CLCF1: variants seen among roughly 807,000 people sequenced by gnomAD.
CLCF1 encodes cardiotrophin like cytokine factor 1, also known as cardiotrophin-like cytokine factor 1.
Under a neutral mutation model 21.2 loss-of-function variants are expected in CLCF1, and 10 were observed. The ratio of observed to expected loss-of-function variants is 0.47; its 90% confidence interval spans 0.29 to 0.80. CLCF1 has a LOEUF of 0.80. Ranked by LOEUF, CLCF1 falls within the 30% of genes least tolerant of loss-of-function variation. The pLI, the probability that CLCF1 is intolerant of heterozygous loss-of-function variation, is 0.09. For synonymous variants in CLCF1, 115 were observed against 120.5 expected (o/e 0.95, Z 0.30); for missense variants, 240 against 293.4 (o/e 0.82, Z 1.33).
chr11:67,364,359 C>T lies in CLCF1; in HGVS notation c.*777G>A, dbSNP rs920444277. On this transcript the variant is annotated 3_prime_UTR_variant, in exon 3 of 3. Transcript: ENST00000312438. The stretch of plus-strand genomic sequence containing the variant: ...AAAATGCTACTGCATTGTAAACTTT[C>T]AGGAAATCCTGTGGTGTGGCTATGG... The T allele has an allele frequency of 6.5e-6, 1 of 152,674 alleles. No homozygotes were observed. The highest frequency in any genetic ancestry group is 6.5e-5 in the Admixed American group (1 of 15,296). 9.5% of individuals were successfully genotyped at this position (152,674 alleles called of 1,614,324 possible).
chr11:67,373,424 GC>G, intron 1 of CLCF1, 99 bp downstream of exon 1: 5 of 621,554 alleles, frequency 8.0e-6, no homozygotes, highest in South Asian at 5.0e-5. Context: ...CCCTGGCCCG[GC>G]CCCGGCGCGG....
chr11:67,371,013 G>A (rs1862220998), intron 1 of CLCF1: 2 of 985,384 alleles, frequency 2.0e-6, no homozygotes, highest in Non-Finnish European at 2.4e-6. Context: ...GGTTGGAGGG[G>A]TCTGTTGAGG....
chr11:67,372,565 G>C lies in CLCF1; in HGVS notation c.16+959C>G, dbSNP rs182548413. ...CTGCGCCTTCCCCCTGTGTGGCCTCGGCGCCCCCGGCCCCGCCCCCTCCCG... is the reference window on the plus strand; with the variant it reads ...CTGCGCCTTCCCCCTGTGTGGCCTCCGCGCCCCCGGCCCCGCCCCCTCCCG... On this transcript the variant is annotated intron_variant, in intron 1 of 2. Coordinates refer to ENST00000312438, the MANE Select transcript of CLCF1 (RefSeq NM_013246.3). The surrounding 1 kb of genome is among the most constrained non-coding windows in gnomAD (Gnocchi z 5.9). Among the ~76,000 whole-genome samples, 11,988 of 150,236 alleles carry C rather than the reference G, an allele frequency of 0.08. 1,627 individuals carry two copies. Among genetic ancestry groups the C allele is most frequent in the African/African-American group, 0.28 (11,328 of 40,966 alleles).
At chr11:67,373,500 G>A in intron 1 of CLCF1, 24 bp downstream of exon 1, 2 of 1,277,538 alleles carry the variant, frequency 1.6e-6, no homozygotes, top group South Asian at 1.4e-5. Flanking sequence ...GCGGGGGTCG[G>A]GGCCTCGGCC....
intron 1 of CLCF1, among the ~76,000 whole-genome samples, chr11:67,371,421 CCT>C (rs756491694): frequency 8.7e-4 from 132 of 152,328 alleles, no homozygotes; most frequent in Non-Finnish European, 1.2e-3. Context: ...TCTCTCCTCT[CCT>C]CTCCAGCATC....
intron 1 of CLCF1, among the ~76,000 whole-genome samples, chr11:67,373,256 G>T (rs1862277541): frequency 6.6e-6 from 1 of 151,898 alleles, no homozygotes; most frequent in Admixed American, 6.5e-5. Context: ...GCCTCGCTGG[G>T]GCTCCAGGTT....
At chr11:67,369,342 G>T in intron 1 of CLCF1, 1 of 980,476 alleles carries the variant, frequency 1.0e-6, no homozygotes, top group Non-Finnish European at 1.2e-6. Flanking sequence ...GTGTACACGC[G>T]TGTGTTTTAG....
rs1473280329 is a variant in CLCF1, at chr11:67,365,014, C to T, written c.*122G>A. On this transcript the variant is annotated 3_prime_UTR_variant, in exon 3 of 3. Transcript: ENST00000312438. The surrounding 1 kb of genome is among the most constrained non-coding windows in gnomAD (Gnocchi z 5.0). ...GATCGCATCACACGCCCAGCCGGTCCAGGAAAGGGCCAGAGGCTCACAGCT... is the reference window on the plus strand; with the variant it reads ...GATCGCATCACACGCCCAGCCGGTCTAGGAAAGGGCCAGAGGCTCACAGCT... The T allele has an allele frequency of 3.9e-6, 6 of 1,539,944 alleles. No individual in the cohort carries two copies. In the African/African-American group the frequency reaches 8.2e-5, roughly 21 times the overall value.
chr11:67,371,666 C>T (rs545132913), intron 1 of CLCF1, among the ~76,000 whole-genome samples: 2 of 151,936 alleles, frequency 1.3e-5, no homozygotes, highest in Non-Finnish European at 2.9e-5. Flanking sequence ...CCACTGAGAG[C>T]CAGAGGCAGG....
Position 67,367,409 on chromosome 11 carries a change from C to T in CLCF1, c.183+51G>A, listed in dbSNP as rs576667161. On this transcript the variant is annotated intron_variant, in intron 2 of 2. Transcript: ENST00000312438. ...CCCTCCACGGTTAGGACTGTCTTTCCCCAACTCCTCACTCCTCCCCAACTC... is the reference window on the plus strand; with the variant it reads ...CCCTCCACGGTTAGGACTGTCTTTCTCCAACTCCTCACTCCTCCCCAACTC... 3.7e-6 allele frequency: 6 copies of T among 1,613,486 alleles called. No individual in the cohort carries two copies. In the Admixed American group the frequency reaches 1.0e-4, roughly 27 times the overall value.
chr11:67,369,378 A>G (rs916750311), intron 1 of CLCF1: 2 of 985,222 alleles, frequency 2.0e-6, no homozygotes, highest in Non-Finnish European at 1.2e-6. Flanking sequence ...CAGGCACTCA[A>G]CTGCTCCCTG....
At chr11:67,367,878 C>G (rs1862148689) in intron 1 of CLCF1, 2 of 985,230 alleles carry the variant, frequency 2.0e-6, no homozygotes, top group Non-Finnish European at 1.2e-6. Context: ...GAGAATGGAT[C>G]TGTGTGTCAG....
upstream of CLCF1, chr11:67,373,634 C>T: frequency 7.8e-7 from 1 of 1,276,014 alleles, no homozygotes. Flanking sequence ...TTAATAATCC[C>T]ATCCGCCAGG....
In CLCF1 at chr11:67,370,541, C is replaced by A. The variant is rs544256000; in HGVS notation, c.17-2915G>T. 5.2e-6 allele frequency: 5 copies of A among 961,362 alleles called. No homozygotes were observed. In the South Asian group the frequency reaches 1.4e-4, roughly 27 times the overall value. 59.6% of individuals were successfully genotyped at this position (961,362 alleles called of 1,614,324 possible). ...GTACAGCTCACGTTTCCTGCAACAG[C>A]CCCCCACCCCCGGCCAGCCCCTAAT... On this transcript the variant is annotated intron_variant, in intron 1 of 2. Transcript: ENST00000312438.
At chr11:67,369,934 C>T (rs1862193236) in intron 1 of CLCF1, 9 of 984,286 alleles carry the variant, frequency 9.1e-6, no homozygotes, top group Admixed American at 6.2e-5. Context: ...CAGAAAAAAA[C>T]GGCTCATGAA....
rs140020543 is a variant in CLCF1, at chr11:67,365,423, G to T, written c.391C>A (p.Arg131Ser). Residue 131 changes from arginine to serine, a missense_variant, in exon 3 of 3, where the codon CGC (arginine) becomes AGC (serine). Transcript: ENST00000312438. The surrounding 1 kb of genome is among the most constrained non-coding windows in gnomAD (Gnocchi z 5.0). ...NRQAATAELR[R>S]SLAHFCTSLQ... ...CTGGTGCAGAAGTGGGCCAGGCTGCGGCGCAGCTCAGCAGTGGCAGCCTGA... is the reference window on the plus strand; with the variant it reads ...CTGGTGCAGAAGTGGGCCAGGCTGCTGCGCAGCTCAGCAGTGGCAGCCTGA... 1.1e-5 allele frequency: 18 copies of T among 1,613,564 alleles called. No individual in the cohort carries two copies. The highest frequency in any genetic ancestry group is 1.3e-5 in the Non-Finnish European group (15 of 1,179,854).
At chr11:67,367,724 T>TG (rs1590914635) in intron 1 of CLCF1, 98 bp from the exon 2 acceptor site, 2 of 1,526,716 alleles carry the variant, frequency 1.3e-6, no homozygotes, top group African/African-American at 1.4e-5. Context: ...TTGGGCTGGG[T>TG]GGGGGGTGAG....
Position 67,372,425 on chromosome 11 carries a change from G to T in CLCF1, c.16+1099C>A, listed in dbSNP as rs1422571912. Among the ~76,000 whole-genome samples, 2 of 152,072 alleles carry T rather than the reference G, an allele frequency of 1.3e-5. No homozygotes were observed. The highest frequency in any genetic ancestry group is 6.5e-5 in the Admixed American group (1 of 15,286). On this transcript the variant is annotated intron_variant, in intron 1 of 2. Transcript: ENST00000312438. This position sits in a 1 kb window ranked among gnomAD's most constrained non-coding sequence, Gnocchi z 5.9. ...CATGAGGGGACCTCTGGCGAGCCCC[G>T]GGGACTCTTTCGAAGGTTTCCTTCG...
intron 1 of CLCF1, 93 bp downstream of exon 1, chr11:67,373,431 C>G (rs1411037212): frequency 8.9e-6 from 6 of 672,884 alleles, no homozygotes; most frequent in Admixed American, 3.8e-5. Flanking sequence ...CCGGCCCCGG[C>G]GCGGGGCTCC....
Sources: allele counts gnomAD v4.1 joint callset (sites outside exome capture counted in the v4.1 genomes callset), GRCh38; gene constraint gnomAD v4.1.1; non-coding constraint Gnocchi (gnomAD v3.1); transcripts MANE v1.5; gene names NCBI Gene and HGNC (gene_info 2026-07-23, HGNC 2026-07-21).